The following SLC9A9 variants were observed in gnomAD, a reference collection of about 807,000 sequenced individuals.
SLC9A9 encodes the protein sodium/hydrogen exchanger 9.
SLC9A9 carries 62 observed loss-of-function variants against 77.8 expected under a neutral mutation model. That is an observed-to-expected ratio of 0.80 (90% confidence interval 0.65 to 0.98). The LOEUF is 0.98. Ranked by LOEUF, SLC9A9 falls within the 50% of genes least tolerant of loss-of-function variation. The probability of loss-of-function intolerance (pLI) is 0.00; values close to 1 mark genes in which losing one functional copy is unlikely to be tolerated. For missense variants in SLC9A9, 775 were observed against 774.9 expected, an observed-to-expected ratio of 1.00 and a Z score of 0.00; for synonymous variants, 320 against 283.5, an observed-to-expected ratio of 1.13 and a Z score of -1.29.
At chr3:143,520,223 A>G (rs2036272602) in intron 9 of SLC9A9, among the ~76,000 whole-genome samples, 1 of 152,204 alleles carries the variant, frequency 6.6e-6, no homozygotes, top group Non-Finnish European at 1.5e-5. Context: ...AGCACTCACT[A>G]ATCCCTACTG....
intron 5 of SLC9A9, among the ~76,000 whole-genome samples, chr3:143,690,430 A>G (rs6782243): frequency 0.34 from 51,651 of 151,980 alleles, 9,245 homozygotes; most frequent in East Asian, 0.4. Flanking sequence ...GTCTCTAACT[A>G]AATTTCTCTC....
At chr3:143,553,434 G>C (rs534200483) in intron 8 of SLC9A9, among the ~76,000 whole-genome samples, 1 of 152,122 alleles carries the variant, frequency 6.6e-6, no homozygotes, top group Non-Finnish European at 1.5e-5. Context: ...TCAGACCAAG[G>C]GGATTGAATT....
intron 11 of SLC9A9, among the ~76,000 whole-genome samples, chr3:143,474,955 C>T (rs2035446566): frequency 1.0e-5 from 1 of 95,590 alleles, no homozygotes; most frequent in Admixed American, 1.5e-4. Flanking sequence ...TCACCTTCAC[C>T]CAGGTTTTTT....
intron 14 of SLC9A9, among the ~76,000 whole-genome samples, chr3:143,309,871 A>G (rs1041733783): frequency 6.6e-5 from 10 of 151,594 alleles, no homozygotes; most frequent in Admixed American, 1.3e-4. Context: ...AGTGAGAGGG[A>G]AAAAAAAAGT....
intron 12 of SLC9A9, among the ~76,000 whole-genome samples, chr3:143,428,987 A>G (rs373209579): frequency 2.0e-5 from 3 of 152,306 alleles, no homozygotes; most frequent in East Asian, 1.9e-4. Context: ...TTGGTGCTCT[A>G]TTACACAGTA....
At chr3:143,537,246 G>C (rs750048829) in intron 9 of SLC9A9, among the ~76,000 whole-genome samples, 1 of 152,232 alleles carries the variant, frequency 6.6e-6, no homozygotes, top group Non-Finnish European at 1.5e-5. Context: ...AAATAAATTA[G>C]AAATCCTGGG....
intron 2 of SLC9A9, among the ~76,000 whole-genome samples, chr3:143,809,761 G>A (rs1458312611): frequency 2.6e-5 from 4 of 152,120 alleles, no homozygotes; most frequent in African/African-American, 9.7e-5. Context: ...TTTTTGTGAT[G>A]GTGGAAATGT....
At chr3:143,629,232 C>A (rs2038381358) in intron 6 of SLC9A9, among the ~76,000 whole-genome samples, 1 of 152,180 alleles carries the variant, frequency 6.6e-6, no homozygotes, top group African/African-American at 2.4e-5. Context: ...AGCTTGACAG[C>A]TTGTCTGAGG....
intron 12 of SLC9A9, among the ~76,000 whole-genome samples, chr3:143,444,484 A>T (rs2034807059): frequency 2.0e-5 from 3 of 152,190 alleles, no homozygotes; most frequent in Admixed American, 2.0e-4. Flanking sequence ...TAACTTTATC[A>T]TGCCCCACCT....
At chr3:143,772,672 TG>T (rs2007564917) in intron 4 of SLC9A9, among the ~76,000 whole-genome samples, 1 of 152,172 alleles carries the variant, frequency 6.6e-6, no homozygotes, top group African/African-American at 2.4e-5. Context: ...AGAAGAGACA[TG>T]ACAGCTATTG....
At chr3:143,643,604 G>A (rs2038656552) in intron 6 of SLC9A9, among the ~76,000 whole-genome samples, 1 of 152,162 alleles carries the variant, frequency 6.6e-6, no homozygotes, top group Non-Finnish European at 1.5e-5. Flanking sequence ...CACACTTGGA[G>A]AATTTCCTTT....
At chr3:143,583,375 G>A (rs1318328227) in intron 6 of SLC9A9, among the ~76,000 whole-genome samples, 1 of 152,164 alleles carries the variant, frequency 6.6e-6, no homozygotes, top group Non-Finnish European at 1.5e-5. Context: ...AAAGCAACAT[G>A]AATAAGGATC....
chr3:143,266,941 AAGAG>A lies in SLC9A9; in HGVS notation c.1711-16_1711-13del, dbSNP rs779569567. 1.2e-6 allele frequency: 2 copies of A among 1,613,616 alleles called. No individual in the cohort carries two copies. The highest frequency in any genetic ancestry group is 1.7e-6 in the Non-Finnish European group (2 of 1,179,576). ...TCTTTTAGCTGTTCCTGGTTGGGAA[AAGAG>A]AGAGAGGTGTCACTTCATGATGAAG... is the stretch of plus-strand genomic sequence containing the variant. On this transcript the variant is annotated splice_polypyrimidine_tract_variant and intron_variant, in intron 15 of 15. Coordinates refer to ENST00000316549, the MANE Select transcript of SLC9A9 (RefSeq NM_173653.4).
intron 9 of SLC9A9, among the ~76,000 whole-genome samples, chr3:143,536,583 C>T (rs1677716324): frequency 1.3e-5 from 2 of 150,084 alleles, no homozygotes; most frequent in Admixed American, 6.6e-5. Flanking sequence ...TTGTGAGCTT[C>T]AGGCAGGCAA....
chr3:143,808,672 C>T (rs1464653036), intron 2 of SLC9A9, among the ~76,000 whole-genome samples: 1 of 152,174 alleles, frequency 6.6e-6, no homozygotes, highest in Non-Finnish European at 1.5e-5. Context: ...AGGGCATGGA[C>T]ACTCAGAGCC....
chr3:143,744,282 C>T (rs1423989941), intron 4 of SLC9A9, among the ~76,000 whole-genome samples: 1 of 152,190 alleles, frequency 6.6e-6, no homozygotes. Context: ...GTGGAAACCG[C>T]TGATACCCCT....
chr3:143,419,226 C>T (rs1487310463), intron 12 of SLC9A9, among the ~76,000 whole-genome samples: 1 of 152,170 alleles, frequency 6.6e-6, no homozygotes, highest in East Asian at 1.9e-4. Context: ...AAAGCACTTA[C>T]TATGTGCCAG....
At chr3:143,526,001 C>G (rs1184136941) in intron 9 of SLC9A9, among the ~76,000 whole-genome samples, 1 of 152,168 alleles carries the variant, frequency 6.6e-6, no homozygotes, top group Non-Finnish European at 1.5e-5. Context: ...TGCCTTTAGG[C>G]AACAGAATTG....
chr3:143,390,888 C>T (rs1433361041), intron 12 of SLC9A9, among the ~76,000 whole-genome samples: 1 of 152,210 alleles, frequency 6.6e-6, no homozygotes, highest in Non-Finnish European at 1.5e-5. Flanking sequence ...TGCAAGGCAG[C>T]AGCAAGGCTG....
Sources: gnomAD v4.1 joint callset for allele counts (sites outside exome capture counted in the v4.1 genomes callset) on GRCh38, gnomAD v4.1.1 for gene constraint, MANE v1.5 for transcripts, NCBI Gene and HGNC (gene_info 2026-07-23, HGNC 2026-07-21) for gene names.